The following PRKCH variants were observed in gnomAD, a reference collection of about 807,000 sequenced individuals.
The protein encoded by PRKCH is protein kinase C eta, also known as protein kinase C eta type.
In PRKCH, 28 loss-of-function variants were observed where a neutral mutation model predicts 82.5. The ratio of observed to expected loss-of-function variants is 0.34; its 90% CI spans 0.25 to 0.47. The LOEUF is 0.47. PRKCH is among the 20% of genes least tolerant of loss of function. PRKCH has a pLI of 1.00. For missense variants in PRKCH, 705 were observed against 881.8 expected (o/e 0.80, Z 2.54); for synonymous variants, 322 against 327.4 (o/e 0.98, Z 0.18).
At chr14:61,393,216 T>C (rs978040325) in intron 2 of PRKCH, among the ~76,000 whole-genome samples, 1 of 152,206 alleles carries the variant, frequency 6.6e-6, no homozygotes, top group African/African-American at 2.4e-5. Context: ...CTCCGTTCTT[T>C]TTTGTATGTT....
At chr14:61,462,320 G>A (rs2140301284) in intron 9 of PRKCH, among the ~76,000 whole-genome samples, 1 of 152,298 alleles carries the variant, frequency 6.6e-6, no homozygotes, top group South Asian at 2.1e-4. Flanking sequence ...AACCCGGGAG[G>A]CAGAGGTTGC....
At chr14:61,360,240 C>T (rs554070963) in intron 1 of PRKCH, among the ~76,000 whole-genome samples, 4 of 152,326 alleles carry the variant, frequency 2.6e-5, no homozygotes, top group South Asian at 2.1e-4. Context: ...TGCAGTGGCT[C>T]ACGCCCATGA....
chr14:61,385,832 A>G (rs189249584), intron 1 of PRKCH, among the ~76,000 whole-genome samples: 33 of 152,352 alleles, frequency 2.2e-4, no homozygotes, highest in Non-Finnish European at 2.8e-4. Context: ...GGGACAGGGC[A>G]TAATGACTAC....
In PRKCH at chr14:61,361,740, G is replaced by A. The variant is rs994635732; in HGVS notation, c.364-29485G>A. ...TAATAATGCTTACCTTACAGGCAAG[G>A]GGACAATTTCTTTGTGTGGAATAAA... On this transcript the variant is annotated intron_variant, in intron 1 of 13. Coordinates refer to ENST00000332981, the MANE Select transcript of PRKCH (RefSeq NM_006255.5). 3.3e-5 allele frequency among the ~76,000 whole-genome samples: 5 copies of A among 152,240 alleles called. No homozygotes were observed. In the East Asian group the frequency reaches 5.8e-4, roughly 18 times the overall value.
At chr14:61,445,268 G>A (rs1331506586) in intron 3 of PRKCH, among the ~76,000 whole-genome samples, 1 of 152,268 alleles carries the variant, frequency 6.6e-6, no homozygotes, top group Admixed American at 6.5e-5. Context: ...GGTCCCCTGG[G>A]ACAGGCAGCT....
chr14:61,387,652 A>T (rs141856538), intron 1 of PRKCH, among the ~76,000 whole-genome samples: 1 of 152,214 alleles, frequency 6.6e-6, no homozygotes, highest in African/African-American at 2.4e-5. Context: ...TCAGCAGTGT[A>T]TAGAAGGAAC....
intron 1 of PRKCH, among the ~76,000 whole-genome samples, chr14:61,316,572 G>A (rs976036239): frequency 2.6e-5 from 4 of 152,174 alleles, no homozygotes; most frequent in Admixed American, 6.5e-5. Context: ...AGTGATCAGC[G>A]TGGGATGTGT....
chr14:61,410,611 A>G, intron 2 of PRKCH, among the ~76,000 whole-genome samples: 1 of 152,228 alleles, frequency 6.6e-6, no homozygotes, highest in Non-Finnish European at 1.5e-5. Flanking sequence ...GGAGTGAGGC[A>G]AAGAGCACTG....
intron 2 of PRKCH, among the ~76,000 whole-genome samples, chr14:61,430,008 T>C (rs1014341242): frequency 6.6e-6 from 1 of 152,200 alleles, no homozygotes; most frequent in Non-Finnish European, 1.5e-5. Context: ...ATACATAGTC[T>C]TGGGCAAAGA....
intron 1 of PRKCH, among the ~76,000 whole-genome samples, chr14:61,356,048 C>T (rs899918789): frequency 1.2e-4 from 19 of 152,140 alleles, no homozygotes; most frequent in Non-Finnish European, 1.9e-4. Flanking sequence ...TTGAAGCATC[C>T]AGAGAACCGG....
intron 1 of PRKCH, among the ~76,000 whole-genome samples, chr14:61,240,545 T>C (rs556710617): frequency 6.6e-6 from 1 of 152,298 alleles, no homozygotes; most frequent in South Asian, 2.1e-4. Context: ...TTTCTAGCCA[T>C]CTGCATTTGC....
chr14:61,476,994 G>A (rs1216568550), intron 9 of PRKCH, among the ~76,000 whole-genome samples: 2 of 152,152 alleles, frequency 1.3e-5, no homozygotes, highest in African/African-American at 4.8e-5. Context: ...CCTCATGCGG[G>A]TGCTTTTCCA....
At position 61,285,863 on chromosome 14, in the gene PRKCH, C is replaced by T. The variant is rs555943490; in HGVS notation, c.-19+98195C>T. On this transcript the variant is annotated intron_variant, in intron 1 of 3. Transcript: ENST00000555185. ...TTTCCTCCTCAAAAAACTCCAAAAA[C>T]GTTAACCTTGAACCAGTGTTTATTG... 1.5e-4 allele frequency among the ~76,000 whole-genome samples: 23 copies of T among 152,302 alleles called. No homozygotes were observed. In the South Asian group the frequency reaches 3.3e-3, roughly 22 times the overall value.
intron 1 of PRKCH, among the ~76,000 whole-genome samples, chr14:61,309,339 C>T (rs1360430581): frequency 6.6e-6 from 1 of 152,144 alleles, no homozygotes; most frequent in Non-Finnish European, 1.5e-5. Flanking sequence ...GTTGAGCCCC[C>T]TGCATAGTCA....
chr14:61,223,164 C>G (rs191913701), intron 1 of PRKCH, among the ~76,000 whole-genome samples: 58 of 152,276 alleles, frequency 3.8e-4, no homozygotes, highest in Admixed American at 1.6e-3. Context: ...GACATTCAGT[C>G]TTTCCCATTT....
intron 10 of PRKCH, among the ~76,000 whole-genome samples, chr14:61,501,844 C>T (rs1886922798): frequency 6.6e-6 from 1 of 152,106 alleles, no homozygotes; most frequent in Non-Finnish European, 1.5e-5. Context: ...TCCCCAGTCT[C>T]TCAATTCCTC....
intron 1 of PRKCH, among the ~76,000 whole-genome samples, chr14:61,373,601 G>C (rs186932449): frequency 9.2e-5 from 14 of 151,920 alleles, no homozygotes; most frequent in African/African-American, 3.4e-4. Flanking sequence ...CAAAGTCTTC[G>C]TTTTTGTTTT....
intron 10 of PRKCH, 102 bp from the exon 11 acceptor site, chr14:61,528,973 C>CGTGTGG: frequency 1.8e-6 from 1 of 565,718 alleles, no homozygotes; most frequent in Non-Finnish European, 2.6e-6. Flanking sequence ...TGTGGCCGCA[C>CGTGTGG]GTGTGTGTGT....
intron 1 of PRKCH, among the ~76,000 whole-genome samples, chr14:61,225,264 C>T (rs2044688262): frequency 6.6e-6 from 1 of 152,206 alleles, no homozygotes. Context: ...AGCTCTGGAA[C>T]TTTCTGTGGG....
Sources: allele counts gnomAD v4.1 joint callset (sites outside exome capture counted in the v4.1 genomes callset), GRCh38; gene constraint gnomAD v4.1.1; transcripts MANE v1.5; gene names NCBI Gene and HGNC (gene_info 2026-07-23, HGNC 2026-07-21).